EVC2: variants seen among roughly 807,000 people sequenced by gnomAD.
The protein encoded by EVC2 is limbin.
In EVC2, 148 loss-of-function variants were observed where a neutral mutation model predicts 149.3. The ratio of observed to expected loss-of-function variants is 0.99; its 90% CI spans 0.87 to 1.14. The LOEUF is 1.14. Ranked by LOEUF, EVC2 falls within the 50% of genes most tolerant of loss-of-function variation. The pLI, the probability that EVC2 is intolerant of heterozygous loss-of-function variation, is 0.00. For missense variants in EVC2, 1,854 were observed against 1,627.3 expected (o/e 1.14, Z -2.40); for synonymous variants, 776 against 649.9 (o/e 1.19, Z -2.95).
chr4:5,629,451 TCC>T (rs1716368222), intron 11 of EVC2, among the ~76,000 whole-genome samples: 2 of 152,136 alleles, frequency 1.3e-5, no homozygotes, highest in Admixed American at 6.5e-5. Flanking sequence ...ATAGCCTGCT[TCC>T]AAAAATCCCA....
chr4:5,570,858 G>A (rs1380236793), intron 19 of EVC2, among the ~76,000 whole-genome samples: 2 of 152,176 alleles, frequency 1.3e-5, no homozygotes, highest in African/African-American at 4.8e-5. Flanking sequence ...CTTGGATGGA[G>A]CTGGAGGCCA....
intron 7 of EVC2, among the ~76,000 whole-genome samples, chr4:5,674,819 G>A (rs531648192): frequency 2.6e-5 from 4 of 152,198 alleles, no homozygotes; most frequent in South Asian, 2.1e-4. Flanking sequence ...CCACCCCAGC[G>A]TGGACAATGG....
At chr4:5,623,738 C>T (rs935596109) in intron 13 of EVC2, among the ~76,000 whole-genome samples, 6 of 152,246 alleles carry the variant, frequency 3.9e-5, no homozygotes, top group Admixed American at 6.5e-5. Flanking sequence ...GGAGACAGAC[C>T]GCCTGGGTTC....
intron 21 of EVC2, 25 bp from the exon 22 acceptor site, chr4:5,563,140 T>C: frequency 6.2e-7 from 1 of 1,607,092 alleles, no homozygotes; most frequent in South Asian, 1.1e-5. Context: ...AAAGATCAAA[T>C]TCAATATTTT....
chr4:5,649,077 C>G (rs1054179099), intron 9 of EVC2, among the ~76,000 whole-genome samples: 1 of 152,178 alleles, frequency 6.6e-6, no homozygotes, highest in African/African-American at 2.4e-5. Context: ...CTGAAAGTCC[C>G]TAACAATCCC....
chr4:5,538,931 T>C (rs1408388994), downstream of EVC2, among the ~76,000 whole-genome samples: 3 of 152,236 alleles, frequency 2.0e-5, no homozygotes, highest in South Asian at 2.1e-4. Flanking sequence ...TTAAACATTG[T>C]CCTGGAAGTT....
chr4:5,678,238 G>T (rs1363675581), intron 7 of EVC2, among the ~76,000 whole-genome samples: 1 of 152,142 alleles, frequency 6.6e-6, no homozygotes. Flanking sequence ...CTGGAATCTT[G>T]GTATATGCCA....
At chr4:5,558,290 A>C (rs1721875837), downstream of EVC2, among the ~76,000 whole-genome samples, 1 of 152,204 alleles carries the variant, frequency 6.6e-6, no homozygotes. Flanking sequence ...GACAAATTCC[A>C]ATTATAAGGA....
chr4:5,630,141 G>A (rs1478461707), intron 11 of EVC2, among the ~76,000 whole-genome samples: 1 of 152,170 alleles, frequency 6.6e-6, no homozygotes, highest in African/African-American at 2.4e-5. Context: ...GATTTAGTGG[G>A]AAAAACCTAG....
At chr4:5,607,189 GGGACATGAGGATGATAAGGAAACTGGGA>G (rs1714460634) in intron 16 of EVC2, among the ~76,000 whole-genome samples, 1 of 152,068 alleles carries the variant, frequency 6.6e-6, no homozygotes, top group African/African-American at 2.4e-5. Flanking sequence ...CTCATGGGAA[GGGACATGAGGATGATAAGGAAACTGGGA>G]CCGTCTCAAG....
rs757805531 is a variant in EVC2, at chr4:5,584,860, G to A, written c.2830-10C>T. The A allele has an allele frequency of 6.2e-7, 1 of 1,614,030 alleles. No homozygotes were observed. On this transcript the variant is annotated splice_polypyrimidine_tract_variant and intron_variant, in intron 16 of 21. Coordinates refer to ENST00000344408, the MANE Select transcript of EVC2 (RefSeq NM_147127.5). ...GCAATTCACCTCGAACCTGGGAGGGGACAGGGATGGACCCAAACCCAGAGA... is the reference window on the plus strand; with the variant it reads ...GCAATTCACCTCGAACCTGGGAGGGAACAGGGATGGACCCAAACCCAGAGA...
intron 9 of EVC2, among the ~76,000 whole-genome samples, chr4:5,647,763 T>C (rs1057506069): frequency 2.0e-5 from 3 of 152,160 alleles, no homozygotes; most frequent in African/African-American, 7.2e-5. Flanking sequence ...GCAAACACGT[T>C]AGGTTTCATG....
Position 5,681,265 on chromosome 4 carries a change from C to T in EVC2, c.865G>A (p.Val289Ile), listed in dbSNP as rs560409382. ...GGGCATGTCATGTCTCTTACCGTTACGTTTTCTTCTGCTGTTATGGAAAAA... is the reference window on the plus strand; with the variant it reads ...GGGCATGTCATGTCTCTTACCGTTATGTTTTCTTCTGCTGTTATGGAAAAA... Reference protein sequence around the residue: ...VLFSITAEENVTVLPHHGLHA... With the variant: ...VLFSITAEENITVLPHHGLHA... Residue 289 changes from valine (V) to isoleucine (I), a missense_variant, in exon 7 of 22, where the codon GTA becomes ATA. Coordinates refer to ENST00000344408, the MANE Select transcript of EVC2 (RefSeq NM_147127.5). 36 of 1,614,118 alleles carry T rather than the reference C, an allele frequency of 2.2e-5. No individual in the cohort carries two copies. Among genetic ancestry groups the T allele is most frequent in the South Asian group, 4.4e-5 (4 of 91,096 alleles).
the EVC2 span, among the ~76,000 whole-genome samples, chr4:5,537,241 G>C: frequency 6.6e-6 from 1 of 152,192 alleles, no homozygotes; most frequent in Non-Finnish European, 1.5e-5. Context: ...GCAGGGCAGA[G>C]TTTTGGAGAG....
intron 9 of EVC2, among the ~76,000 whole-genome samples, chr4:5,653,352 C>T (rs950984445): frequency 1.3e-5 from 2 of 152,226 alleles, no homozygotes; most frequent in African/African-American, 2.4e-5. Flanking sequence ...CAACATCCAA[C>T]TAGAAATGGG....
chr4:5,586,116 C>T (rs1712254682), intron 16 of EVC2, among the ~76,000 whole-genome samples: 1 of 152,190 alleles, frequency 6.6e-6, no homozygotes, highest in African/African-American at 2.4e-5. Context: ...CCCACCTCAG[C>T]CTCCCAAAGT....
chr4:5,652,554 G>A (rs763057589), intron 9 of EVC2, among the ~76,000 whole-genome samples: 4 of 152,122 alleles, frequency 2.6e-5, no homozygotes, highest in South Asian at 2.1e-4. Flanking sequence ...TCATGCAAAC[G>A]GTAGGCAGCT....
intron 19 of EVC2, among the ~76,000 whole-genome samples, 191 bp from the exon 20 acceptor site, chr4:5,568,831 C>T (rs1266843637): frequency 6.6e-6 from 1 of 152,194 alleles, no homozygotes; most frequent in Non-Finnish European, 1.5e-5. Flanking sequence ...CTTGGCTCCC[C>T]AGGACGCTTC....
intron 14 of EVC2, among the ~76,000 whole-genome samples, chr4:5,619,319 G>A (rs1715509297): frequency 6.6e-6 from 1 of 152,158 alleles, no homozygotes; most frequent in African/African-American, 2.4e-5. Flanking sequence ...CTAAGATGAG[G>A]CCATATTGGA....
Sources: gnomAD v4.1 joint callset for allele counts (sites outside exome capture counted in the v4.1 genomes callset) on GRCh38, gnomAD v4.1.1 for gene constraint, MANE v1.5 for transcripts, NCBI Gene and HGNC (gene_info 2026-07-23, HGNC 2026-07-21) for gene names.